Variants in ADAMTS17 observed in about 807,000 individuals in gnomAD.
ADAMTS17 encodes ADAM metallopeptidase with thrombospondin type 1 motif 17.
In ADAMTS17, 113 loss-of-function variants were observed where a neutral mutation model predicts 141.5. That is an observed-to-expected ratio of 0.80 (90% CI 0.69 to 0.93). The LOEUF (loss-of-function observed/expected upper bound fraction) is 0.93, where lower values mean the gene tolerates loss of function less well. ADAMTS17 is among the 40% of genes least tolerant of loss of function. The pLI is 0.00. For synonymous variants in ADAMTS17, 768 were observed against 630.6 expected (o/e 1.22, Z -3.27); for missense variants, 1,659 against 1,517.9 (o/e 1.09, Z -1.54).
intron 8 of ADAMTS17, among the ~76,000 whole-genome samples, chr15:100,188,594 G>C (rs1453558825): frequency 6.6e-6 from 1 of 152,192 alleles, no homozygotes. Flanking sequence ...CCAAGAGTTT[G>C]ATGTGCTCAA....
chr15:100,271,540 G>A (rs532479419), intron 4 of ADAMTS17, among the ~76,000 whole-genome samples: 52 of 105,174 alleles, frequency 4.9e-4, no homozygotes, highest in East Asian at 1.3e-3. Context: ...CATCTTCTTC[G>A]TAAAAATGTC....
intron 8 of ADAMTS17, among the ~76,000 whole-genome samples, chr15:100,177,510 C>A (rs1355903786): frequency 6.6e-6 from 1 of 152,118 alleles, no homozygotes; most frequent in African/African-American, 2.4e-5. Context: ...AGAGAATATA[C>A]CTTACACGAT....
intron 18 of ADAMTS17, among the ~76,000 whole-genome samples, chr15:100,020,271 G>T (rs2573682): frequency 6.6e-6 from 1 of 152,072 alleles, no homozygotes; most frequent in Non-Finnish European, 1.5e-5. Flanking sequence ...TTCAGAATTT[G>T]ACAAGGATCT....
At chr15:99,975,081 C>T (rs1174190268) in intron 21 of ADAMTS17, among the ~76,000 whole-genome samples, 1 of 152,248 alleles carries the variant, frequency 6.6e-6, no homozygotes, top group Non-Finnish European at 1.5e-5. Flanking sequence ...TCTGCCAGCT[C>T]AAAGGCCTCC....
At chr15:100,162,422 CTATATAGTTATATATACACATATAGTTA>C (rs961131287) in intron 8 of ADAMTS17, among the ~76,000 whole-genome samples, 2 of 142,180 alleles carry the variant, frequency 1.4e-5, no homozygotes, top group African/African-American at 5.2e-5. Context: ...GTATATATAA[CTATATAGTTATATATACACATATAGTTA>C]TATATATGCA....
At chr15:100,091,010 C>CAACAAAAAAAAAAAAAAAAAAA (rs1555446585) in intron 15 of ADAMTS17, among the ~76,000 whole-genome samples, 6 of 54,612 alleles carry the variant, frequency 1.1e-4, no homozygotes, top group Admixed American at 8.5e-4. Context: ...TCCGTCTCAA[C>CAACAAAAAAAAAAAAAAAAAAA]AAAAAAAAAA....
At chr15:100,051,345 G>GGTAT (rs2032125704) in intron 17 of ADAMTS17, among the ~76,000 whole-genome samples, 1 of 152,190 alleles carries the variant, frequency 6.6e-6, no homozygotes, top group Non-Finnish European at 1.5e-5. Flanking sequence ...TCAGAGCTGT[G>GGTAT]GGGCCCTGGG....
intron 8 of ADAMTS17, among the ~76,000 whole-genome samples, chr15:100,184,827 G>C (rs2040650409): frequency 6.6e-6 from 1 of 152,158 alleles, no homozygotes; most frequent in African/African-American, 2.4e-5. Flanking sequence ...GGCCCTTCCA[G>C]AGCTCTGGGA....
chr15:100,211,841 A>G (rs1411723688), intron 7 of ADAMTS17, among the ~76,000 whole-genome samples: 1 of 152,228 alleles, frequency 6.6e-6, no homozygotes, highest in African/African-American at 2.4e-5. Context: ...TCTGACAATA[A>G]CCGGCAAGGT....
rs886050977 is a variant in ADAMTS17, at chr15:100,262,441, A to G, written c.790-6T>C. The G allele has an allele frequency of 1.2e-6, 2 of 1,609,990 alleles. No individual in the cohort carries two copies. Among genetic ancestry groups the G allele is most frequent in the African/African-American group, 2.7e-5 (2 of 74,836 alleles). On this transcript the variant is annotated splice_polypyrimidine_tract_variant and splice_region_variant and intron_variant, in intron 4 of 21. Transcript: ENST00000268070. Reference sequence around the variant, plus strand: ...TGCTGAAACATATTGTATACCTATCAAGACAGAAAAAAGAAATAAAGATAT... The same window carrying G: ...TGCTGAAACATATTGTATACCTATCGAGACAGAAAAAAGAAATAAAGATAT...
At chr15:100,042,390 G>C (rs2031333541) in intron 18 of ADAMTS17, among the ~76,000 whole-genome samples, 1 of 152,192 alleles carries the variant, frequency 6.6e-6, no homozygotes, top group South Asian at 2.1e-4. Flanking sequence ...GTGGATGCTT[G>C]AAAATAAGGC....
intron 20 of ADAMTS17, chr15:99,976,549 CAT>C (rs1216230832): frequency 2.0e-5 from 10 of 500,192 alleles, no homozygotes; most frequent in South Asian, 1.4e-4. Flanking sequence ...TTATGGAATA[CAT>C]GTTTGTGTCT....
chr15:99,975,700 G>A (rs1018217757), intron 21 of ADAMTS17, among the ~76,000 whole-genome samples: 21 of 152,174 alleles, frequency 1.4e-4, no homozygotes, highest in African/African-American at 5.1e-4. Flanking sequence ...CATCATGAAG[G>A]ATGCCCCTGG....
intron 15 of ADAMTS17, among the ~76,000 whole-genome samples, chr15:100,084,408 C>A (rs540586465): frequency 6.6e-6 from 1 of 152,340 alleles, no homozygotes; most frequent in South Asian, 2.1e-4. Flanking sequence ...TAGACTCCAC[C>A]TCTGGGGGCA....
intron 15 of ADAMTS17, among the ~76,000 whole-genome samples, chr15:100,073,325 C>G (rs1407695290): frequency 6.6e-6 from 1 of 152,198 alleles, no homozygotes; most frequent in Non-Finnish European, 1.5e-5. Context: ...GGACTGTAAA[C>G]TAGTTCAACC....
intron 18 of ADAMTS17, among the ~76,000 whole-genome samples, chr15:100,033,053 G>GA (rs1012302664): frequency 4.6e-5 from 7 of 151,892 alleles, no homozygotes; most frequent in East Asian, 1.9e-4. Context: ...TGTTTTGAGA[G>GA]AAAAAAAATG....
At chr15:100,244,901 A>G (rs2042940656) in intron 7 of ADAMTS17, among the ~76,000 whole-genome samples, 1 of 152,092 alleles carries the variant, frequency 6.6e-6, no homozygotes, top group South Asian at 2.1e-4. Context: ...TTCAAGGCCT[A>G]GTTTCCATTT....
In ADAMTS17 at chr15:100,250,030, C is replaced by T. The variant is rs538292833; in HGVS notation, c.1075+4106G>A. Among the ~76,000 whole-genome samples, 60 of 152,222 alleles carry T rather than the reference C, an allele frequency of 3.9e-4. 1 individual carries two copies. In the South Asian group the frequency reaches 0.012, roughly 31 times the overall value. On this transcript the variant is annotated intron_variant, in intron 7 of 21. Transcript: ENST00000268070. ...AAGTACTGGATGCCACTGAATTGCA[C>T]ACTTAAAAATGCTTCTGGTGGCAAA...
chr15:99,999,733 C>T (rs953682142), intron 18 of ADAMTS17, among the ~76,000 whole-genome samples: 1 of 152,132 alleles, frequency 6.6e-6, no homozygotes. Context: ...TGGGCAGAAG[C>T]AGCGGCAGGG....
Sources: allele counts gnomAD v4.1 joint callset (sites outside exome capture counted in the v4.1 genomes callset), GRCh38; gene constraint gnomAD v4.1.1; transcripts MANE v1.5; gene names NCBI Gene and HGNC (gene_info 2026-07-23, HGNC 2026-07-21).